MADD: variants seen among roughly 807,000 people sequenced by gnomAD.
MADD encodes MAP kinase-activating death domain protein.
In MADD, 109 loss-of-function variants were observed where a neutral mutation model predicts 176.7. The observed-to-expected ratio is 0.62, with a 90% CI of 0.53 to 0.72. The LOEUF is 0.72. Among genes scored for constraint, MADD ranks in the 30% least tolerant of loss-of-function variants. The probability of loss-of-function intolerance (pLI) is 0.00; values close to 1 mark genes in which losing one functional copy is unlikely to be tolerated. For missense variants in MADD, 1,914 were observed against 2,045.5 expected, an observed-to-expected ratio of 0.94 and a Z score of 1.24; for synonymous variants, 771 against 771.3, an observed-to-expected ratio of 1.00 and a Z score of 0.01.
intron 25 of MADD, among the ~76,000 whole-genome samples, chr11:47,310,424 T>C (rs2087527350): frequency 6.6e-6 from 1 of 151,938 alleles, no homozygotes; most frequent in African/African-American, 2.4e-5. Context: ...CCTCAAGTGA[T>C]CCTCCTGCCT....
chr11:47,285,118 T>C, exon 13 of MADD: 1 of 1,614,024 alleles, frequency 6.2e-7, no homozygotes, highest in Non-Finnish European at 8.5e-7. Context: ...CCAATATGGC[T>C]TTCCCCCTGA....
At chr11:47,286,100 C>T (rs2060449134) in intron 14 of MADD, among the ~76,000 whole-genome samples, 1 of 152,194 alleles carries the variant, frequency 6.6e-6, no homozygotes, top group Non-Finnish European at 1.5e-5. Flanking sequence ...TTGTGAGTTT[C>T]TTCAGCAGCC....
intron 16 of MADD, 74 bp from the exon 18 acceptor site, chr11:47,289,793 C>G: frequency 6.6e-7 from 1 of 1,525,318 alleles, no homozygotes; most frequent in Non-Finnish European, 9.0e-7. Flanking sequence ...AGGCAGACAT[C>G]TAGTCTGGGT....
chr11:47,273,772 G>A, intron 1 of MADD, 55 bp from the exon 2 acceptor site: 1 of 645,562 alleles, frequency 1.5e-6, no homozygotes, highest in South Asian at 1.9e-5. Flanking sequence ...AAGTTGAGAG[G>A]GATGAGTCCC....
chr11:47,292,050 G>A (rs1488146533), intron 19 of MADD, among the ~76,000 whole-genome samples: 1 of 152,200 alleles, frequency 6.6e-6, no homozygotes. Context: ...GTTCAGTCCA[G>A]TGAATCAAGC....
chr11:47,307,621 C>T (rs929353364), intron 22 of MADD, among the ~76,000 whole-genome samples: 4 of 151,982 alleles, frequency 2.6e-5, no homozygotes, highest in Non-Finnish European at 5.9e-5. Context: ...CATGATATTA[C>T]CTACCTCTGA....
chr11:47,282,879 A>C, exon 10 of MADD: 2 of 1,614,084 alleles, frequency 1.2e-6, no homozygotes, highest in African/African-American at 1.3e-5. Flanking sequence ...CAGCCTATCC[A>C]CTATCGCGTC....
At chr11:47,329,248 G>A in exon 33 of MADD, 4 of 911,040 alleles carry the variant, frequency 4.4e-6, no homozygotes, top group Non-Finnish European at 7.2e-6. Context: ...AGTGGATGAT[G>A]CTCGTGTGTC....
chr11:47,304,763 AC>A (rs1279173248), intron 22 of MADD, among the ~76,000 whole-genome samples: 1 of 152,070 alleles, frequency 6.6e-6, no homozygotes, highest in Non-Finnish European at 1.5e-5. Context: ...GGGGTCTATT[AC>A]CAAAGAGTTA....
intron 19 of MADD, 77 bp from the exon 21 acceptor site, chr11:47,292,466 G>A: frequency 7.6e-7 from 1 of 1,321,664 alleles, no homozygotes; most frequent in Non-Finnish European, 1.1e-6. Flanking sequence ...ACTTGGGTGG[G>A]TGGGTTTCCA....
intron 7 of MADD, among the ~76,000 whole-genome samples, chr11:47,280,054 A>G (rs1414582949): frequency 6.6e-6 from 1 of 152,134 alleles, no homozygotes; most frequent in Admixed American, 6.5e-5. Context: ...TGGGCCACAG[A>G]GTGAGACTCA....
chr11:47,285,001 C>A (rs757300995), exon 13 of MADD: 1 of 1,614,076 alleles, frequency 6.2e-7, no homozygotes, highest in Non-Finnish European at 8.5e-7. Context: ...CAAGCCCCTC[C>A]CTTCCGTGCC....
chr11:47,329,216 C>T (rs1380499561), exon 33 of MADD: 2 of 1,178,884 alleles, frequency 1.7e-6, no homozygotes, highest in African/African-American at 1.5e-5. Context: ...TTCCCAAGTG[C>T]ACGATGCTGC....
rs202039469 is a variant in MADD, at chr11:47,326,716, G to C, written c.4543-22G>C. On this transcript the variant is annotated intron_variant, in intron 30 of 32. Coordinates refer to ENST00000402192, the Ensembl canonical transcript of MADD. ...GGGTGGAGCCTGTGGGCCTTACCCCGGCCTCCCTCCCTCTCTTGCAGGTTT... is the reference window on the plus strand; with the variant it reads ...GGGTGGAGCCTGTGGGCCTTACCCCCGCCTCCCTCCCTCTCTTGCAGGTTT... The C allele has an allele frequency of 8.1e-6, 13 of 1,612,436 alleles. No homozygotes were observed. The South Asian group carries it at 1.3e-4, about 16-fold the overall frequency.
At chr11:47,284,893 G>A (rs765939446) in intron 12 of MADD, 48 bp from the exon 13 acceptor site, 96 of 1,606,108 alleles carry the variant, frequency 6.0e-5, no homozygotes, top group Non-Finnish European at 8.1e-5. Context: ...TTACAGGAAG[G>A]TACCATTGGG....
Position 47,293,990 on chromosome 11 carries a change from G to T in MADD, c.3402+7G>T. On this transcript the variant is annotated splice_region_variant and intron_variant, in intron 20 of 32. Transcript: ENST00000402192. ...CCTGACGTCTAGTTCCCAGGTTTGT[G>T]ACAACCTTGTTGAAATTTGCAAGTA... 1 of 1,610,280 alleles carries T rather than the reference G, an allele frequency of 6.2e-7. No homozygotes were observed. Among genetic ancestry groups the T allele is most frequent in the South Asian group, 1.1e-5 (1 of 90,986 alleles).
At chr11:47,327,398 CT>C (rs2095565429) in intron 31 of MADD, 1 of 985,400 alleles carries the variant, frequency 1.0e-6, no homozygotes, top group Non-Finnish European at 1.2e-6. Flanking sequence ...GTGCTTCATT[CT>C]TTTGTGCCCC....
Position 47,282,503 on chromosome 11 carries a change from C to G in MADD, c.1592C>G (p.Ser531Ter). The change falls in exon 9 of 33, where the codon TCA becomes TGA. Residue 531 changes from serine (S) to a stop codon, truncating the protein, a stop_gained. Transcript: ENST00000402192. LOFTEE classifies it high-confidence loss of function. ...TTTCAAGCTGGCTCCTTTCTAGCCT[C>G]ACGTCCCCGGCAGACTCCTTTTGCC... 1 of 1,614,186 alleles carries G rather than the reference C, an allele frequency of 6.2e-7. No homozygotes were observed.
At position 47,293,415 on chromosome 11, in the gene MADD, C is replaced by CCT. The variant is rs762063799; in HGVS notation, c.3302-466_3302-465dup. ...CTCCAGGGCTCAAGCAATTGTCGTG[C>CCT]CTCAACCTCCCGAGTAGCTGAGATT... On this transcript the variant is annotated intron_variant, in intron 19 of 32. Transcript: ENST00000402192. Among the ~76,000 whole-genome samples, 9 of 151,566 alleles carry CCT rather than the reference C, an allele frequency of 5.9e-5. No individual in the cohort carries two copies. The East Asian group carries it at 1.7e-3, about 29-fold the overall frequency.
Sources: gnomAD v4.1 joint callset for allele counts (sites outside exome capture counted in the v4.1 genomes callset) on GRCh38, gnomAD v4.1.1 for gene constraint, MANE v1.5 for transcripts, NCBI Gene and HGNC (gene_info 2026-07-23, HGNC 2026-07-21) for gene names.